Variants in DOCK8 observed in about 807,000 individuals in gnomAD.
DOCK8 encodes the protein dedicator of cytokinesis 8.
A neutral mutation model predicts 245.6 loss-of-function variants in DOCK8; 141 were observed. That is an observed-to-expected ratio of 0.57 (90% CI 0.50 to 0.66). DOCK8 has a LOEUF of 0.66. Ranked by LOEUF, DOCK8 falls within the 30% of genes least tolerant of loss-of-function variation. DOCK8 has a pLI of 0.00. For synonymous variants in DOCK8, 1,168 were observed against 970.2 expected (o/e 1.20, Z -3.79); for missense variants, 2,965 against 2,603.4 (o/e 1.14, Z -3.02).
intron 1 of DOCK8, among the ~76,000 whole-genome samples, chr9:258,738 C>G (rs2047841975): frequency 6.6e-6 from 1 of 151,682 alleles, no homozygotes; most frequent in Non-Finnish European, 1.5e-5. Flanking sequence ...TCTGGGATTA[C>G]AGACATGTGC....
intron 14 of DOCK8, among the ~76,000 whole-genome samples, chr9:357,937 G>A (rs962848575): frequency 2.6e-5 from 4 of 152,128 alleles, no homozygotes; most frequent in African/African-American, 9.7e-5. Context: ...TTGTGAATTT[G>A]CACTTTTATC....
At chr9:234,477 T>C (rs540230899) in intron 1 of DOCK8, among the ~76,000 whole-genome samples, 1 of 152,234 alleles carries the variant, frequency 6.6e-6, no homozygotes, top group African/African-American at 2.4e-5. Flanking sequence ...TCCTGGATAA[T>C]ATCCTGCAGA....
At chr9:224,380 A>C (rs895544186) in intron 1 of DOCK8, among the ~76,000 whole-genome samples, 1 of 152,176 alleles carries the variant, frequency 6.6e-6, no homozygotes, top group African/African-American at 2.4e-5. Context: ...TAAAAATTCT[A>C]CCTCATTGCT....
At chr9:226,406 G>C (rs2046991624) in intron 1 of DOCK8, among the ~76,000 whole-genome samples, 1 of 152,164 alleles carries the variant, frequency 6.6e-6, no homozygotes, top group East Asian at 1.9e-4. Context: ...AAATGGGATG[G>C]TTTATGGAGC....
chr9:444,864 A>G (rs2057202754), intron 43 of DOCK8, among the ~76,000 whole-genome samples: 1 of 152,204 alleles, frequency 6.6e-6, no homozygotes, highest in Non-Finnish European at 1.5e-5. Flanking sequence ...ATGTCCATGA[A>G]TGAGCTTTCT....
intron 5 of DOCK8, among the ~76,000 whole-genome samples, chr9:309,649 C>T (rs1055719157): frequency 2.0e-5 from 3 of 152,164 alleles, no homozygotes; most frequent in Non-Finnish European, 4.4e-5. Flanking sequence ...CAAAAGTGGA[C>T]ACAGCTTGAA....
chr9:376,199 C>A lies in DOCK8; in HGVS notation c.2110-11C>A. 1 of 1,573,516 alleles carries A rather than the reference C, an allele frequency of 6.4e-7. No individual in the cohort carries two copies. The highest frequency in any genetic ancestry group is 8.7e-7 in the Non-Finnish European group (1 of 1,146,826). ...TGGATTGCTAATCTTTTTTTTTTCT[C>A]TTTAACACAGAAAGTCCCATTACAG... On this transcript the variant is annotated splice_polypyrimidine_tract_variant and intron_variant, in intron 18 of 47. Transcript: ENST00000432829.
At chr9:224,425 A>G (rs181454576) in intron 1 of DOCK8, among the ~76,000 whole-genome samples, 2 of 152,312 alleles carry the variant, frequency 1.3e-5, no homozygotes, top group Non-Finnish European at 2.9e-5. Flanking sequence ...GCACATTAGC[A>G]AAAAGAAGAT....
Position 379,940 on chromosome 9 carries a change from A to T in DOCK8, c.2605+5A>T. The T allele has an allele frequency of 6.2e-7, 1 of 1,613,446 alleles. No individual in the cohort carries two copies. Among genetic ancestry groups the T allele is most frequent in the Non-Finnish European group, 8.5e-7 (1 of 1,179,860 alleles). On this transcript the variant is annotated splice_donor_5th_base_variant and intron_variant, in intron 21 of 47. Coordinates refer to ENST00000432829, the MANE Select transcript of DOCK8 (RefSeq NM_203447.4). ...AAAGGGATGTGCCCAAGTCAGGTAG[A>T]GTTGCCCTGAGTGTGGGACTCTGGT... is the stretch of plus-strand genomic sequence containing the variant.
chr9:263,255 C>A (rs2047961929), intron 1 of DOCK8, among the ~76,000 whole-genome samples: 1 of 151,580 alleles, frequency 6.6e-6, no homozygotes, highest in Non-Finnish European at 1.5e-5. Flanking sequence ...ATGTTCAATC[C>A]TACTGTAGGT....
chr9:389,736 C>T (rs541874215), intron 23 of DOCK8, among the ~76,000 whole-genome samples: 1 of 152,206 alleles, frequency 6.6e-6, no homozygotes, highest in East Asian at 1.9e-4. Context: ...TACACAGAGG[C>T]CGGGCGTAGT....
rs113899071 is a variant in DOCK8, at chr9:301,072, A to G, written c.405-3509A>G. Among the ~76,000 whole-genome samples the G allele has an allele frequency of 5.8e-3, 877 of 152,338 alleles. 10 individuals carry two copies. The highest frequency in any genetic ancestry group is 0.019 in the African/African-American group (791 of 41,568). ...AACTTCAGGCCAATATCCCTGATGA[A>G]CATCGACACAAAAATCCTCAACAAA... On this transcript the variant is annotated intron_variant, in intron 4 of 47. Coordinates refer to ENST00000432829, the MANE Select transcript of DOCK8 (RefSeq NM_203447.4).
At chr9:368,353 A>T in intron 15 of DOCK8, 3 of 718,378 alleles carry the variant, frequency 4.2e-6, no homozygotes, top group Non-Finnish European at 7.8e-6. Flanking sequence ...TGAGCTTGGA[A>T]CATACAGATC....
intron 4 of DOCK8, among the ~76,000 whole-genome samples, chr9:296,823 A>T (rs892634884): frequency 2.0e-5 from 3 of 152,066 alleles, no homozygotes; most frequent in African/African-American, 7.2e-5. Flanking sequence ...GCCACTCTTG[A>T]CCTGTTGTGC....
chr9:419,194 C>T (rs780957615), intron 30 of DOCK8, among the ~76,000 whole-genome samples: 20 of 152,176 alleles, frequency 1.3e-4, no homozygotes, highest in Admixed American at 3.3e-4. Flanking sequence ...TTTCTTCTCC[C>T]GTGAGAAAGC....
chr9:319,097 G>A (rs1400191082), intron 7 of DOCK8, among the ~76,000 whole-genome samples: 1 of 152,160 alleles, frequency 6.6e-6, no homozygotes, highest in Non-Finnish European at 1.5e-5. Context: ...AGGAGTTTGA[G>A]GCCGGCCTGG....
chr9:214,766 C>G, upstream of DOCK8: 2 of 1,540,370 alleles, frequency 1.3e-6, no homozygotes, highest in African/African-American at 1.4e-5. Flanking sequence ...GCGCGCCAGG[C>G]CGGGTGGCGG....
At chr9:439,055 A>C (rs1227435112) in intron 39 of DOCK8, among the ~76,000 whole-genome samples, 190 bp from the exon 40 acceptor site, 1 of 152,228 alleles carries the variant, frequency 6.6e-6, no homozygotes, top group Non-Finnish European at 1.5e-5. Context: ...TTTGAAGACC[A>C]GTTGCTCAGT....
At chr9:276,052 G>T (rs2130047690) in intron 2 of DOCK8, among the ~76,000 whole-genome samples, 1 of 151,830 alleles carries the variant, frequency 6.6e-6, no homozygotes, top group Middle Eastern at 3.4e-3. Flanking sequence ...CGCCATGTCT[G>T]GCTAATTTTT....
Sources: allele counts gnomAD v4.1 joint callset (sites outside exome capture counted in the v4.1 genomes callset), GRCh38; gene constraint gnomAD v4.1.1; transcripts MANE v1.5; gene names NCBI Gene and HGNC (gene_info 2026-07-23, HGNC 2026-07-21).